PEX12: variants seen among roughly 807,000 people sequenced by gnomAD.
The protein encoded by PEX12 is peroxisome assembly protein 12.
In PEX12, 31 loss-of-function variants were observed where a neutral mutation model predicts 32.5. That is an observed-to-expected ratio of 0.95 (90% CI 0.72 to 1.29). The LOEUF is 1.29. Among genes scored for constraint, PEX12 ranks in the 50% most tolerant of loss-of-function variants. The pLI, the probability that PEX12 is intolerant of heterozygous loss-of-function variation, is 0.00. For missense variants in PEX12, 359 were observed against 419.0 expected (o/e 0.86, Z 1.25); for synonymous variants, 148 against 157.2 (o/e 0.94, Z 0.44).
rs1438983691 is a variant in PEX12 at position 35,575,795 on chromosome 17, G to A, written c.1067C>T (p.Ser356Phe). ...CATGATTCCCTTTCAGTTCTCAGGG[G>A]AGTAGAGTTTAATCAGATGTTGTAC... ...TEVQHLIKLYSPEN is the reference protein window; with the variant it reads ...TEVQHLIKLYFPEN The change falls in exon 3 of 3, where the codon TCC (serine) becomes TTC (phenylalanine). Residue 356 changes from serine to phenylalanine, a missense_variant. Physicochemically the swap from Ser to Phe is radical, Grantham distance 155. Coordinates refer to ENST00000225873, the MANE Select transcript of PEX12 (RefSeq NM_000286.3). 3 of 1,614,012 alleles carry A rather than the reference G, an allele frequency of 1.9e-6. No individual in the cohort carries two copies. Among genetic ancestry groups the A allele is most frequent in the Non-Finnish European group, 2.5e-6 (3 of 1,179,980 alleles).
chr17:35,577,842 CGTTT>C (rs925018726), intron 1 of PEX12, 50 bp downstream of exon 1: 183 of 1,609,498 alleles, frequency 1.1e-4, no homozygotes, highest in African/African-American at 2.5e-4. Flanking sequence ...ACAAATTATT[CGTTT>C]GTTTTTTACC....
chr17:35,576,239 A>G (rs974191182), intron 2 of PEX12, 58 bp from the exon 3 acceptor site: 207 of 1,512,604 alleles, frequency 1.4e-4, no homozygotes, highest in Non-Finnish European at 1.8e-4. Context: ...GTATCATTAC[A>G]AAGTGACTAA....
rs771210303 is a variant in PEX12, at chr17:35,578,455, T to G, written c.-434A>C. The G allele has an allele frequency of 1.7e-4, 49 of 292,298 alleles. No homozygotes were observed. Among genetic ancestry groups the G allele is most frequent in the Non-Finnish European group, 3.0e-4 (45 of 147,606 alleles). 18.1% of individuals were successfully genotyped at this position (292,298 alleles called of 1,614,324 possible). On this transcript the variant is annotated 5_prime_UTR_variant, in exon 1 of 3. Coordinates refer to ENST00000225873, the MANE Select transcript of PEX12 (RefSeq NM_000286.3). ...CACTGTGAGCCCGGGACACAAGGGC[T>G]GACTCCAGCTGTTGGCTTTGAGTAT...
chr17:35,577,287 G>C lies in PEX12; in HGVS notation c.431C>G (p.Ser144Cys), dbSNP rs988442642. ...VSSLREEDEYSIHPPSSRWKR... is the reference protein window; with the variant it reads ...VSSLREEDEYCIHPPSSRWKR... ...CCAGCGGGAAGAAGGGGGATGAATA[G>C]AATATTCATCCTCTTCTCTCAGGCT... is the stretch of plus-strand genomic sequence containing the variant. The change falls in exon 2 of 3, where the codon TCT becomes TGT. Residue 144 changes from serine to cysteine, a missense_variant. Ser to Cys is a moderately radical substitution (Grantham distance 112, BLOSUM62 -1). Transcript: ENST00000225873. The C allele has an allele frequency of 3.7e-6, 6 of 1,613,268 alleles. No individual in the cohort carries two copies. Among genetic ancestry groups the C allele is most frequent in the South Asian group, 3.3e-5 (3 of 91,060 alleles).
rs139417458 is a variant in PEX12 at position 35,576,140 on chromosome 17, C to A, written c.722G>T (p.Gly241Val). ...AGTAGACAGGGATAAGGCAACACCC[C>A]CAACAGCTTTCTTCAGAGCTGAGTT... The part of the protein sequence containing the change: ...KINSALKKAV[G>V]GVALSLSTGL... The change falls in exon 3 of 3, where the codon GGG becomes GTG. Residue 241 changes from glycine (G) to valine (V), a missense_variant. Physicochemically the swap from Gly to Val is moderately radical, Grantham distance 109. Transcript: ENST00000225873. 2,735 of 1,614,102 alleles carry A rather than the reference C, an allele frequency of 1.7e-3. 10 individuals carry two copies. Among genetic ancestry groups the A allele is most frequent in the Non-Finnish European group, 2.1e-3 (2,512 of 1,179,990 alleles).
Position 35,577,405 on chromosome 17 carries a change from T to G in PEX12, c.313A>C (p.Ser105Arg). The G allele has an allele frequency of 6.2e-7, 1 of 1,614,176 alleles. No individual in the cohort carries two copies. The highest frequency in any genetic ancestry group is 8.5e-7 in the Non-Finnish European group (1 of 1,180,026). The change falls in exon 2 of 3, where the codon AGT becomes CGT. Residue 105 changes from serine to arginine, a missense_variant. Ser to Arg is a moderately radical substitution (Grantham distance 110, BLOSUM62 -1). Transcript: ENST00000225873. ...AGCTGCTGCTTTGGGAGACCAGCAC[T>G]AGCCAATCTCTGAGACTTGTGAGTG... The part of the protein sequence containing the change: ...GDTHKSQRLA[S>R]AGLPKQQLWK...
At chr17:35,576,707 C>T (rs144826656) in intron 2 of PEX12, among the ~76,000 whole-genome samples, 36 of 152,244 alleles carry the variant, frequency 2.4e-4, no homozygotes, top group Admixed American at 2.0e-3. Flanking sequence ...TATGTACCTA[C>T]GTGACTTTGG....
chr17:35,578,127 C>CT lies in PEX12; in HGVS notation c.-107dup. ...ATGGGTGCTCAGTCTTAAAGGTAAA[C>CT]TTTCTGCATGATATCTGAAACTCGA... On this transcript the variant is annotated 5_prime_UTR_variant, in exon 1 of 3. It removes the in-frame stop codon of an upstream open reading frame in the 5' UTR. Coordinates refer to ENST00000225873, the MANE Select transcript of PEX12 (RefSeq NM_000286.3). 7.1e-7 allele frequency: 1 copy of CT among 1,405,210 alleles called. No homozygotes were observed. Among genetic ancestry groups the CT allele is most frequent in the Non-Finnish European group, 1.0e-6 (1 of 997,750 alleles). The allele number at this position is 1,405,210 out of a possible 1,614,324, so 87.0% of individuals were successfully genotyped here. A position where few individuals can be genotyped will look rare whatever the true frequency, so the allele number is the denominator to read the frequency against.
In PEX12 at chr17:35,577,590, A is replaced by C; in HGVS notation, c.128T>G (p.Val43Gly). The C allele has an allele frequency of 6.2e-7, 1 of 1,612,144 alleles. No homozygotes were observed. Among genetic ancestry groups the C allele is most frequent in the Non-Finnish European group, 8.5e-7 (1 of 1,179,850 alleles). Residue 43 changes from valine (V) to glycine (G), a missense_variant and splice_region_variant, in exon 2 of 3, where the codon GTT becomes GGT. By Grantham distance (109) the Val-to-Gly change is moderately radical (BLOSUM62 -3). Coordinates refer to ENST00000225873, the MANE Select transcript of PEX12 (RefSeq NM_000286.3). ...GTGGGTGGGATTTGATTCTGCAAGA[A>C]CCTAAAGCAAAATAAAGCAATAAGT... is the stretch of plus-strand genomic sequence containing the variant. ...VRPALQHVVK[V>G]LAESNPTHYG...
chr17:35,577,167 C>T lies in PEX12; in HGVS notation c.551G>A (p.Gly184Glu), dbSNP rs1241662407. ...CAGTGGTGAGTGATGCTGAGCTTTT[C>T]CTAGGATGTATCGAAGTTGTTGTAC... Reference protein sequence around the residue: ...FLVQQLRYILGKAQHHSPLLR... With the variant: ...FLVQQLRYILEKAQHHSPLLR... Residue 184 changes from glycine (G) to glutamate (E), a missense_variant, in exon 2 of 3, where the codon GGA (glycine) becomes GAA (glutamate). Gly to Glu is a moderately conservative substitution (Grantham distance 98). Transcript: ENST00000225873. 2 of 1,613,984 alleles carry T rather than the reference C, an allele frequency of 1.2e-6. No individual in the cohort carries two copies. The highest frequency in any genetic ancestry group is 1.3e-5 in the African/African-American group (1 of 74,896).
At position 35,577,240 on chromosome 17, in the gene PEX12, G is replaced by A; in HGVS notation, c.478C>T (p.Leu160=). The change falls in exon 2 of 3, where the codon CTG becomes TTG. Residue 160 remains leucine (L), a synonymous_variant. Coordinates refer to ENST00000225873, the MANE Select transcript of PEX12 (RefSeq NM_000286.3). ...SRWKRFYRAF[L]AAYPFVNMAW... is the part of the protein sequence containing the mutation. ...ATGTTCACAAATGGGTAGGCTGCCA[G>A]GAAAGCTCTGTAAAATCGTTTCCAG... is the stretch of plus-strand genomic sequence containing the variant. 1 of 1,614,172 alleles carries A rather than the reference G, an allele frequency of 6.2e-7. No homozygotes were observed. The highest frequency in any genetic ancestry group is 8.5e-7 in the Non-Finnish European group (1 of 1,180,034).
chr17:35,577,237 C>G lies in PEX12; in HGVS notation c.481G>C (p.Ala161Pro). The G allele has an allele frequency of 3.7e-6, 6 of 1,614,096 alleles. No individual in the cohort carries two copies. Among genetic ancestry groups the G allele is most frequent in the Non-Finnish European group, 5.1e-6 (6 of 1,180,012 alleles). The change falls in exon 2 of 3, where the codon GCA becomes CCA. Residue 161 changes from alanine (A) to proline (P), a missense_variant. Transcript: ENST00000225873. ...GCCATGTTCACAAATGGGTAGGCTG[C>G]CAGGAAAGCTCTGTAAAATCGTTTC... ...RWKRFYRAFL[A>P]AYPFVNMAWE...
chr17:35,576,607 GA>G (rs1450849424), intron 2 of PEX12, among the ~76,000 whole-genome samples: 1 of 152,088 alleles, frequency 6.6e-6, no homozygotes, highest in African/African-American at 2.4e-5. Flanking sequence ...TCATGATTAA[GA>G]GCACAGTCTT....
At position 35,577,297 on chromosome 17, in the gene PEX12, CCTCTT is replaced by C; in HGVS notation, c.416_420del (p.Glu139GlyfsTer2). 1 of 1,614,088 alleles carries C rather than the reference CCTCTT, an allele frequency of 6.2e-7. No homozygotes were observed. The highest frequency in any genetic ancestry group is 8.5e-7 in the Non-Finnish European group (1 of 1,180,016). ...GAAGGGGGATGAATAGAATATTCATCCTCTTCTCTCAGGCTAGAAACCAGCTTCTC... is the reference window on the plus strand; with the variant it reads ...GAAGGGGGATGAATAGAATATTCATCCTCTCAGGCTAGAAACCAGCTTCTC... On this transcript the variant is annotated frameshift_variant, in exon 2 of 3. Transcript: ENST00000225873. LOFTEE classifies it high-confidence loss of function.
At position 35,576,481 on chromosome 17, in the gene PEX12, G is replaced by A. The variant is rs568544491; in HGVS notation, c.681-300C>T. ...CTCCCTTTTTTTAGTGGAAGATAGT[G>A]ATCCAGAAAAAAAAAAAAAAACCCA... On this transcript the variant is annotated intron_variant, in intron 2 of 2. Transcript: ENST00000225873. Among the ~76,000 whole-genome samples the A allele has an allele frequency of 1.9e-3, 247 of 132,470 alleles. 3 individuals are homozygous for A. The highest frequency in any genetic ancestry group is 2.9e-3 in the Non-Finnish European group (179 of 62,108). The allele number at this position is 132,470 out of a possible 152,430, so 86.9% of individuals were successfully genotyped here.
chr17:35,576,499 A>C (rs1286654300), intron 2 of PEX12, among the ~76,000 whole-genome samples: 1 of 150,248 alleles, frequency 6.7e-6, no homozygotes, highest in Admixed American at 6.6e-5. Context: ...AAAAAAAAAA[A>C]AAACCCAATT....
At position 35,576,036 on chromosome 17, in the gene PEX12, A is replaced by G. The variant is rs1465512430; in HGVS notation, c.826T>C (p.Leu276=). Residue 276 remains leucine (L), a synonymous_variant, in exon 3 of 3, where the codon TTG becomes CTG. Transcript: ENST00000225873. ...SSENQETIKS[L]TALPTPPPPV... ...GGTGGTGGAGTAGGCAGGGCAGTCA[A>G]TGACTTGATGGTTTCTTGATTTTCA... 5.6e-6 allele frequency: 9 copies of G among 1,614,026 alleles called. No individual in the cohort carries two copies. The highest frequency in any genetic ancestry group is 1.7e-5 in the Admixed American group (1 of 59,996).
At position 35,576,027 on chromosome 17, in the gene PEX12, G is replaced by C; in HGVS notation, c.835C>G (p.Leu279Val). The change falls in exon 3 of 3, where the codon CTG becomes GTG. Residue 279 changes from leucine to valine, a missense_variant. Physicochemically the swap from Leu to Val is conservative, Grantham distance 32. Coordinates refer to ENST00000225873, the MANE Select transcript of PEX12 (RefSeq NM_000286.3). The part of the protein sequence containing the change: ...NQETIKSLTA[L>V]PTPPPPVHLD... Reference sequence around the variant, plus strand: ...TGTACAGGTGGTGGTGGAGTAGGCAGGGCAGTCAATGACTTGATGGTTTCT... The same window carrying C: ...TGTACAGGTGGTGGTGGAGTAGGCACGGCAGTCAATGACTTGATGGTTTCT... 5 of 1,614,138 alleles carry C rather than the reference G, an allele frequency of 3.1e-6. No homozygotes were observed. The highest frequency in any genetic ancestry group is 4.2e-6 in the Non-Finnish European group (5 of 1,180,040).
rs531286605 is a variant in PEX12 at position 35,578,448 on chromosome 17, C to T, written c.-427G>A. The T allele has an allele frequency of 2.8e-4, 88 of 313,932 alleles. No homozygotes were observed. Among genetic ancestry groups the T allele is most frequent in the African/African-American group, 1.8e-3 (82 of 46,348 alleles). 19.4% of individuals were successfully genotyped at this position (313,932 alleles called of 1,614,324 possible). On this transcript the variant is annotated 5_prime_UTR_variant, in exon 1 of 3. It adds an upstream start codon to the 5' untranslated region. Coordinates refer to ENST00000225873, the MANE Select transcript of PEX12 (RefSeq NM_000286.3). ...GTCGTGCCACTGTGAGCCCGGGACA[C>T]AAGGGCTGACTCCAGCTGTTGGCTT...
Sources: gnomAD v4.1 joint callset for allele counts (sites outside exome capture counted in the v4.1 genomes callset) on GRCh38, gnomAD v4.1.1 for gene constraint, MANE v1.5 for transcripts, NCBI Gene and HGNC (gene_info 2026-07-23, HGNC 2026-07-21) for gene names.